Variants in KCNN2 observed in about 807,000 individuals in gnomAD.
The protein encoded by KCNN2 is potassium calcium-activated channel subfamily N member 2, also known as small conductance calcium-activated potassium channel protein 2.
In KCNN2, 24 loss-of-function variants were observed where a neutral mutation model predicts 55.5. The observed-to-expected ratio is 0.43, with a 90% CI of 0.31 to 0.61. KCNN2 has a LOEUF of 0.61. KCNN2 is among the 20% of genes least tolerant of loss of function. The pLI, the probability that KCNN2 is intolerant of heterozygous loss-of-function variation, is 0.08. For synonymous variants in KCNN2, 431 were observed against 336.1 expected (o/e 1.28, Z -3.09); for missense variants, 754 against 853.6 (o/e 0.88, Z 1.45).
At chr5:114,358,833 C>T (rs36941), upstream of KCNN2, among the ~76,000 whole-genome samples, 112,990 of 152,130 alleles carry the variant, frequency 0.74, 42,283 homozygotes, top group East Asian at 0.97. Flanking sequence ...AAAAAGAAAT[C>T]ATGTTATGCA....
chr5:114,469,160 T>C (rs1761594930), intron 4 of KCNN2, among the ~76,000 whole-genome samples: 1 of 152,200 alleles, frequency 6.6e-6, no homozygotes, highest in Non-Finnish European at 1.5e-5. Flanking sequence ...AATTGTCATT[T>C]GTCTGTTCAG....
At chr5:114,244,223 G>A (rs544017111) in intron 2 of KCNN2, among the ~76,000 whole-genome samples, 7 of 152,234 alleles carry the variant, frequency 4.6e-5, no homozygotes, top group African/African-American at 1.7e-4. Context: ...TGGCTTTCCT[G>A]TTGGAGCACG....
chr5:114,197,681 G>T (rs907724345), intron 1 of KCNN2, among the ~76,000 whole-genome samples: 1 of 152,154 alleles, frequency 6.6e-6, no homozygotes, highest in African/African-American at 2.4e-5. Context: ...AGGCTGGGAG[G>T]CAGAATAGGG....
At chr5:114,436,603 T>C (rs1325023982) in intron 3 of KCNN2, among the ~76,000 whole-genome samples, 1 of 152,216 alleles carries the variant, frequency 6.6e-6, no homozygotes, top group East Asian at 1.9e-4. Flanking sequence ...GGTTTTTTCC[T>C]CACGATACTT....
At chr5:114,203,159 T>A (rs1224238239) in intron 1 of KCNN2, among the ~76,000 whole-genome samples, 1 of 152,176 alleles carries the variant, frequency 6.6e-6, no homozygotes, top group Middle Eastern at 3.2e-3. Context: ...TTTTGGCTCT[T>A]TTGGATTTAA....
At chr5:114,136,429 C>A (rs578209053) in intron 1 of KCNN2, among the ~76,000 whole-genome samples, 90 of 152,232 alleles carry the variant, frequency 5.9e-4, no homozygotes, top group African/African-American at 2.0e-3. Flanking sequence ...AGCCATGAAC[C>A]AAATAAATTT....
In KCNN2 at chr5:114,312,039, G is replaced by C. The variant is rs115367405; in HGVS notation, c.-184-48906G>C. ...GTTATCCACTTCTTTTCATATCAGT[G>C]AATCAGGGATCTACCTCTAGTGAGT... is the stretch of plus-strand genomic sequence containing the variant. On this transcript the variant is annotated intron_variant, in intron 2 of 10. Transcript: ENST00000512097. 2.5e-3 allele frequency among the ~76,000 whole-genome samples: 385 copies of C among 152,144 alleles called. 1 individual carries two copies. The highest frequency in any genetic ancestry group is 9.0e-3 in the African/African-American group (375 of 41,516).
intron 1 of KCNN2, among the ~76,000 whole-genome samples, chr5:114,067,605 G>T (rs1750478484): frequency 1.3e-5 from 2 of 152,104 alleles, no homozygotes; most frequent in South Asian, 4.1e-4. Flanking sequence ...ATAACTTTGT[G>T]ATTAGAAATT....
At chr5:114,480,979 T>A (rs1409332571) in intron 5 of KCNN2, among the ~76,000 whole-genome samples, 1 of 152,120 alleles carries the variant, frequency 6.6e-6, no homozygotes, top group Non-Finnish European at 1.5e-5. Flanking sequence ...CTCTCACCAC[T>A]CCTATTCAAC....
In KCNN2 at chr5:114,362,705, C is replaced by G. The variant is rs1032387290; in HGVS notation, c.566C>G (p.Pro189Arg). Residue 189 changes from proline to arginine, a missense_variant, in exon 1 of 8, where the codon CCG becomes CGG. By Grantham distance (103) the Pro-to-Arg change is moderately radical. Transcript: ENST00000673685. Reference sequence around the variant, plus strand: ...CCGCTCTCGCACCACCACCACCACCCGCACCCGGCGCACCACCAGCACCAC... The same window carrying G: ...CCGCTCTCGCACCACCACCACCACCGGCACCCGGCGCACCACCAGCACCAC... ...GPPLSHHHHH[P>R]HPAHHQHHQP... The G allele has an allele frequency of 1.1e-4, 164 of 1,490,810 alleles. No individual in the cohort carries two copies. The highest frequency in any genetic ancestry group is 1.4e-4 in the Non-Finnish European group (160 of 1,129,518). The allele number at this position is 1,490,810 out of a possible 1,614,324, so 92.3% of individuals were successfully genotyped here. A position where few individuals can be genotyped will look rare whatever the true frequency, so the allele number is the denominator to read the frequency against.
chr5:114,217,025 A>G (rs115361895), intron 1 of KCNN2, among the ~76,000 whole-genome samples: 2,436 of 152,220 alleles, frequency 0.016, 69 homozygotes, highest in African/African-American at 0.057. Context: ...GCATCAAAAA[A>G]TAAAATAATT....
intron 1 of KCNN2, among the ~76,000 whole-genome samples, chr5:114,117,006 G>A (rs551155046): frequency 2.0e-5 from 3 of 152,196 alleles, no homozygotes; most frequent in East Asian, 3.9e-4. Context: ...CTGCTTGTAA[G>A]AAGGCTCGGA....
At chr5:114,393,783 A>T (rs542517013) in intron 2 of KCNN2, among the ~76,000 whole-genome samples, 54 of 150,018 alleles carry the variant, frequency 3.6e-4, no homozygotes, top group Non-Finnish European at 5.5e-4. Flanking sequence ...CTTTGCTTTT[A>T]AAAAAAAAAC....
At chr5:114,426,793 G>A (rs1185471399) in intron 3 of KCNN2, among the ~76,000 whole-genome samples, 2 of 152,236 alleles carry the variant, frequency 1.3e-5, no homozygotes, top group East Asian at 1.9e-4. Flanking sequence ...AGAATCACCC[G>A]GACTGCTCAT....
At chr5:114,269,979 G>A (rs1755293038) in intron 2 of KCNN2, among the ~76,000 whole-genome samples, 1 of 152,120 alleles carries the variant, frequency 6.6e-6, no homozygotes, top group African/African-American at 2.4e-5. Context: ...TCCCCTTTCT[G>A]GGTAATTATA....
rs1754879137 is a variant in KCNN2 at position 114,252,225 on chromosome 5, C to A, written c.-185+30660C>A. 2.0e-5 allele frequency among the ~76,000 whole-genome samples: 3 copies of A among 150,476 alleles called. No homozygotes were observed. In the South Asian group the frequency reaches 6.3e-4, roughly 32 times the overall value. On this transcript the variant is annotated intron_variant, in intron 2 of 10. Coordinates refer to the KCNN2 transcript ENST00000512097. ...AATTAAAAAATGTTTTTTCTATTAACCTTTATATCTTTCTGCCCTATGTAC... is the reference window on the plus strand; with the variant it reads ...AATTAAAAAATGTTTTTTCTATTAAACTTTATATCTTTCTGCCCTATGTAC...
At chr5:114,381,518 A>G (rs1382490628) in intron 2 of KCNN2, among the ~76,000 whole-genome samples, 1 of 152,210 alleles carries the variant, frequency 6.6e-6, no homozygotes, top group African/African-American at 2.4e-5. Flanking sequence ...AGCTTTAGCT[A>G]TCTCACTGGT....
At chr5:114,378,264 A>G (rs966775801) in intron 2 of KCNN2, among the ~76,000 whole-genome samples, 19 of 152,218 alleles carry the variant, frequency 1.2e-4, no homozygotes, top group Admixed American at 1.2e-3. Context: ...AGAGTTGAGT[A>G]GTTGCAACAG....
intron 7 of KCNN2, 81 bp from the exon 8 acceptor site, chr5:114,495,814 A>G: frequency 7.5e-7 from 1 of 1,336,718 alleles, no homozygotes. Flanking sequence ...CCAGCAAGAG[A>G]CCAGAGCTAA....
Sources: gnomAD v4.1 joint callset for allele counts (sites outside exome capture counted in the v4.1 genomes callset) on GRCh38, gnomAD v4.1.1 for gene constraint, MANE v1.5 for transcripts, NCBI Gene and HGNC (gene_info 2026-07-23, HGNC 2026-07-21) for gene names.